PLXDC2: variants seen among roughly 807,000 people sequenced by gnomAD.
PLXDC2 encodes plexin domain-containing protein 2.
A neutral mutation model predicts 68.9 loss-of-function variants in PLXDC2; 40 were observed. The observed-to-expected ratio is 0.58, with a 90% CI of 0.45 to 0.76. PLXDC2 has a LOEUF of 0.76. Among genes scored for constraint, PLXDC2 ranks in the 30% least tolerant of loss-of-function variants. The pLI, the probability that PLXDC2 is intolerant of heterozygous loss-of-function variation, is 0.00. For missense variants in PLXDC2, 644 were observed against 661.9 expected, an observed-to-expected ratio of 0.97 and a Z score of 0.30; for synonymous variants, 243 against 234.2, an observed-to-expected ratio of 1.04 and a Z score of -0.34.
chr10:20,070,982 A>G (rs981324124), intron 4 of PLXDC2: 5 of 152,188 alleles, frequency 3.3e-5, no homozygotes, highest in Admixed American at 3.3e-4. Context: ...GTGAAAAAAA[A>G]AAAACCTAGC....
At chr10:19,956,681 G>T (rs1284251382) in intron 1 of PLXDC2, among the ~76,000 whole-genome samples, 1 of 152,150 alleles carries the variant, frequency 6.6e-6, no homozygotes, top group Admixed American at 6.5e-5. Context: ...ATCAATGAAG[G>T]CACAGACTGT....
chr10:19,963,950 T>C (rs1011550854), intron 1 of PLXDC2, among the ~76,000 whole-genome samples: 2 of 152,300 alleles, frequency 1.3e-5, no homozygotes, highest in East Asian at 1.9e-4. Flanking sequence ...TTTTTCACCT[T>C]CTACATGCAG....
chr10:20,207,305 A>G (rs1438287565), intron 9 of PLXDC2, among the ~76,000 whole-genome samples: 2 of 152,230 alleles, frequency 1.3e-5, no homozygotes, highest in Non-Finnish European at 2.9e-5. Context: ...TAATAAATCA[A>G]ACAAACTGCA....
At chr10:19,911,108 C>T (rs12245595) in intron 1 of PLXDC2, among the ~76,000 whole-genome samples, 33 of 151,476 alleles carry the variant, frequency 2.2e-4, no homozygotes, top group African/African-American at 8.0e-4. Context: ...ACTTGCTCAC[C>T]AGGAAATGGG....
At chr10:19,944,878 G>C (rs1400180244) in intron 1 of PLXDC2, among the ~76,000 whole-genome samples, 1 of 152,242 alleles carries the variant, frequency 6.6e-6, no homozygotes, top group African/African-American at 2.4e-5. Flanking sequence ...TTTGAACCCG[G>C]AAGGCGGAGG....
chr10:20,285,464 A>G lies in PLXDC2; in HGVS notation c.*5645A>G, dbSNP rs987877194. The G allele has an allele frequency of 3.9e-5, 6 of 152,188 alleles. No individual in the cohort carries two copies. The highest frequency in any genetic ancestry group is 9.7e-5 in the African/African-American group (4 of 41,434). The allele number at this position is 152,188 out of a possible 1,614,324, so 9.4% of individuals were successfully genotyped here. A position where few individuals can be genotyped will look rare whatever the true frequency, so the allele number is the denominator to read the frequency against. ...AGATAGGATCAACAATACTCTATCA[A>G]TTTTCAACTCCAATTTTCTATTCTA... On this transcript the variant is annotated 3_prime_UTR_variant, in exon 14 of 14. Transcript: ENST00000377252.
At chr10:19,844,047 C>G (rs575765618) in intron 1 of PLXDC2, among the ~76,000 whole-genome samples, 1 of 151,832 alleles carries the variant, frequency 6.6e-6, no homozygotes, top group South Asian at 2.1e-4. Flanking sequence ...TCTGCAAATA[C>G]GTAAAATATT....
rs967496971 is a variant in PLXDC2 at position 20,208,928 on chromosome 10, T to C, written c.1062-2741T>C. Among the ~76,000 whole-genome samples, 26 of 151,988 alleles carry C rather than the reference T, an allele frequency of 1.7e-4. 1 individual carries two copies. The highest frequency in any genetic ancestry group is 1.7e-3 in the Admixed American group (26 of 15,246). ...AAAACCAGCAAGTTTTTATTAGTGA[T>C]TTTCAAAAGGGGAGGGAGTGTACGA... On this transcript the variant is annotated intron_variant, in intron 9 of 13. Coordinates refer to ENST00000377252, the MANE Select transcript of PLXDC2 (RefSeq NM_032812.9).
At chr10:19,958,801 A>G (rs550368668) in intron 1 of PLXDC2, among the ~76,000 whole-genome samples, 3 of 151,410 alleles carry the variant, frequency 2.0e-5, no homozygotes, top group Non-Finnish European at 2.9e-5. Flanking sequence ...AATATATCAG[A>G]AAGTGTATGT....
At position 20,143,411 on chromosome 10, in the gene PLXDC2, G is replaced by A; in HGVS notation, c.658G>A (p.Asp220Asn). 2.5e-6 allele frequency: 4 copies of A among 1,612,952 alleles called. No homozygotes were observed. The highest frequency in any genetic ancestry group is 3.4e-6 in the Non-Finnish European group (4 of 1,179,250). The change falls in exon 5 of 14, where the codon GAT becomes AAT. Residue 220 changes from aspartate (D) to asparagine (N), a missense_variant. By Grantham distance (23) the Asp-to-Asn change is conservative. Transcript: ENST00000377252. Reference protein sequence around the residue: ...VSRNSTVRYFDNGTALVVQWD... With the variant: ...VSRNSTVRYFNNGTALVVQWD... ...CAGAAATTCAACTGTCAGATATTTTGATAATGGTATGTGTTGAGTAGCCTA... is the reference window on the plus strand; with the variant it reads ...CAGAAATTCAACTGTCAGATATTTTAATAATGGTATGTGTTGAGTAGCCTA...
At chr10:20,158,521 A>G (rs976558733) in intron 6 of PLXDC2, among the ~76,000 whole-genome samples, 1 of 127,892 alleles carries the variant, frequency 7.8e-6, no homozygotes, top group African/African-American at 3.0e-5. Flanking sequence ...AAAAAAAAAA[A>G]AAAAAATTAA....
intron 2 of PLXDC2, among the ~76,000 whole-genome samples, chr10:20,017,374 G>C (rs573980122): frequency 3.3e-4 from 50 of 152,244 alleles, no homozygotes; most frequent in Admixed American, 3.0e-3. Flanking sequence ...CCCCTCCTCA[G>C]GTTCTCTTCA....
chr10:19,849,937 G>A (rs1837083398), intron 1 of PLXDC2, among the ~76,000 whole-genome samples: 1 of 152,180 alleles, frequency 6.6e-6, no homozygotes, highest in Non-Finnish European at 1.5e-5. Context: ...TTCACCTGTG[G>A]TGTGGGCTTT....
chr10:20,208,305 C>T (rs1835020213), intron 9 of PLXDC2, among the ~76,000 whole-genome samples: 1 of 152,136 alleles, frequency 6.6e-6, no homozygotes, highest in South Asian at 2.1e-4. Context: ...GCAAAAGACA[C>T]ATCTTACATG....
chr10:19,980,396 G>A (rs1341470944), intron 1 of PLXDC2, among the ~76,000 whole-genome samples: 2 of 152,158 alleles, frequency 1.3e-5, no homozygotes, highest in African/African-American at 4.8e-5. Context: ...TGTTAGGGCT[G>A]CTCTAACAAA....
chr10:19,827,969 A>G (rs1053024998), intron 1 of PLXDC2, among the ~76,000 whole-genome samples: 3 of 152,210 alleles, frequency 2.0e-5, no homozygotes, highest in Admixed American at 2.0e-4. Context: ...CAGACTAACC[A>G]TACATCTAAT....
intron 7 of PLXDC2, among the ~76,000 whole-genome samples, chr10:20,173,269 G>C (rs540098403): frequency 1.3e-5 from 2 of 152,158 alleles, no homozygotes; most frequent in Non-Finnish European, 2.9e-5. Flanking sequence ...CACATAAATA[G>C]GGAAATGTTA....
intron 1 of PLXDC2, among the ~76,000 whole-genome samples, chr10:19,822,469 A>G (rs906120782): frequency 2.0e-5 from 3 of 152,024 alleles, no homozygotes; most frequent in African/African-American, 7.2e-5. Flanking sequence ...CTCTGGTTTT[A>G]TTTTCTTCAG....
intron 13 of PLXDC2, among the ~76,000 whole-genome samples, chr10:20,253,464 A>G (rs1835705519): frequency 6.6e-6 from 1 of 151,928 alleles, no homozygotes; most frequent in Non-Finnish European, 1.5e-5. Context: ...TAGAAGTTAT[A>G]AGTTATTTCC....
Sources: gnomAD v4.1 joint callset for allele counts (sites outside exome capture counted in the v4.1 genomes callset) on GRCh38, gnomAD v4.1.1 for gene constraint, MANE v1.5 for transcripts, NCBI Gene and HGNC (gene_info 2026-07-23, HGNC 2026-07-21) for gene names.